Variants in ASTN2 observed in about 807,000 individuals in gnomAD.
ASTN2 encodes the protein astrotactin-2.
A neutral mutation model predicts 139.8 loss-of-function variants in ASTN2; 54 were observed. The observed-to-expected ratio is 0.39, with a 90% CI of 0.31 to 0.48. The LOEUF (loss-of-function observed/expected upper bound fraction) is 0.48. Among genes scored for constraint, ASTN2 ranks in the 20% least tolerant of loss-of-function variants. The pLI, the probability that ASTN2 is intolerant of heterozygous loss-of-function variation, is 0.95. For synonymous variants in ASTN2, 756 were observed against 719.5 expected (o/e 1.05, Z -0.81); for missense variants, 1,565 against 1,725.1 (o/e 0.91, Z 1.64).
Position 116,725,732 on chromosome 9 carries a change from C to T in ASTN2, c.2806+39G>A, listed in dbSNP as rs201653639. The T allele has an allele frequency of 2.1e-4, 335 of 1,595,870 alleles. 3 individuals are homozygous for T. The African/African-American group carries it at 4.2e-3, about 20-fold the overall frequency. On this transcript the variant is annotated intron_variant, in intron 16 of 22. Transcript: ENST00000313400. ...TCCCCAGACCCCTTGCCTCTATAGCCTGCCTGGCCACCTCCTACAGTAGGC... is the reference window on the plus strand; with the variant it reads ...TCCCCAGACCCCTTGCCTCTATAGCTTGCCTGGCCACCTCCTACAGTAGGC...
At chr9:117,163,309 T>C (rs1419644898) in intron 3 of ASTN2, among the ~76,000 whole-genome samples, 4 of 152,076 alleles carry the variant, frequency 2.6e-5, no homozygotes, top group Non-Finnish European at 4.4e-5. Context: ...TTTTGTACAT[T>C]CAGTAAATGC....
intron 16 of ASTN2, among the ~76,000 whole-genome samples, chr9:116,680,449 G>A (rs1398690205): frequency 6.6e-6 from 1 of 152,132 alleles, no homozygotes; most frequent in Non-Finnish European, 1.5e-5. Context: ...AGGGGTACAA[G>A]GAGGAACTGG....
chr9:117,190,437 T>G (rs1564468906), intron 3 of ASTN2, among the ~76,000 whole-genome samples: 1 of 152,168 alleles, frequency 6.6e-6, no homozygotes, highest in African/African-American at 2.4e-5. Context: ...AAATCACTCC[T>G]TCTCAGTTTG....
intron 1 of ASTN2, among the ~76,000 whole-genome samples, chr9:117,328,706 G>T (rs1214457123): frequency 1.3e-5 from 2 of 152,184 alleles, no homozygotes; most frequent in African/African-American, 4.8e-5. Context: ...GGGTCACTCA[G>T]CCAGGCTAAA....
At chr9:116,805,188 T>G (rs1390283033) in intron 13 of ASTN2, among the ~76,000 whole-genome samples, 1 of 151,096 alleles carries the variant, frequency 6.6e-6, no homozygotes. Flanking sequence ...AAGTAGAAAT[T>G]TTAAGAGCAT....
At chr9:117,147,703 T>C (rs1830232340) in intron 3 of ASTN2, among the ~76,000 whole-genome samples, 1 of 152,088 alleles carries the variant, frequency 6.6e-6, no homozygotes, top group Non-Finnish European at 1.5e-5. Context: ...ACCTGGAAAG[T>C]TAAGTATTAA....
chr9:117,067,647 T>C (rs1222123820), intron 5 of ASTN2, among the ~76,000 whole-genome samples: 2 of 144,382 alleles, frequency 1.4e-5, no homozygotes, highest in Admixed American at 6.8e-5. Flanking sequence ...GAGCATGGAA[T>C]GTTCTTCCAT....
intron 5 of ASTN2, among the ~76,000 whole-genome samples, chr9:117,071,794 T>C (rs947628020): frequency 1.1e-4 from 16 of 151,826 alleles, no homozygotes; most frequent in African/African-American, 3.9e-4. Context: ...CCGTCACCCC[T>C]TTCTTTGACT....
chr9:116,902,046 A>G (rs1231157305), intron 10 of ASTN2, among the ~76,000 whole-genome samples: 1 of 152,192 alleles, frequency 6.6e-6, no homozygotes. Flanking sequence ...ATAAATAAAT[A>G]AACAAACATA....
intron 16 of ASTN2, among the ~76,000 whole-genome samples, chr9:116,653,533 C>T (rs1267702997): frequency 1.1e-4 from 17 of 152,212 alleles, no homozygotes; most frequent in Admixed American, 1.1e-3. Flanking sequence ...AGTGCATAAT[C>T]TGAGTGGTAA....
intron 10 of ASTN2, among the ~76,000 whole-genome samples, chr9:116,877,791 C>T (rs1833342699): frequency 6.6e-6 from 1 of 152,128 alleles, no homozygotes. Context: ...AAAAAGCCAT[C>T]TTCTCCTCCT....
At chr9:116,913,150 C>T (rs1354297256) in intron 10 of ASTN2, among the ~76,000 whole-genome samples, 1 of 152,178 alleles carries the variant, frequency 6.6e-6, no homozygotes, top group Non-Finnish European at 1.5e-5. Flanking sequence ...GTGATCCACC[C>T]ACTTCAGCCT....
chr9:116,539,947 T>C (rs1276418657), intron 19 of ASTN2, among the ~76,000 whole-genome samples: 1 of 152,184 alleles, frequency 6.6e-6, no homozygotes, highest in African/African-American at 2.4e-5. Context: ...AAAAATATAA[T>C]TGATAAGAAA....
intron 1 of ASTN2, among the ~76,000 whole-genome samples, chr9:117,403,536 G>GC (rs1491178671): frequency 6.6e-6 from 1 of 151,338 alleles, no homozygotes; most frequent in African/African-American, 2.4e-5. Context: ...TTCCCCCGAT[G>GC]CCCCACCCCC....
chr9:116,452,364 G>A (rs1848200711), intron 20 of ASTN2, among the ~76,000 whole-genome samples: 1 of 152,216 alleles, frequency 6.6e-6, no homozygotes, highest in South Asian at 2.1e-4. Context: ...GATATGATGT[G>A]TAGGTTTCAC....
At chr9:117,407,840 A>G (rs181343353) in intron 1 of ASTN2, among the ~76,000 whole-genome samples, 63 of 152,258 alleles carry the variant, frequency 4.1e-4, no homozygotes, top group African/African-American at 1.3e-3. Context: ...CTCTCTCACT[A>G]TAGTTAATCT....
chr9:117,046,924 A>T (rs1315126849), intron 5 of ASTN2, among the ~76,000 whole-genome samples: 1 of 152,118 alleles, frequency 6.6e-6, no homozygotes, highest in Non-Finnish European at 1.5e-5. Flanking sequence ...TTTTCTAGCA[A>T]ACTGATTCAC....
Position 117,414,361 on chromosome 9 carries a change from G to T in ASTN2, c.442+136C>A, listed in dbSNP as rs1434855193. The T allele has an allele frequency of 4.4e-6, 6 of 1,378,594 alleles. No homozygotes were observed. The Admixed American group carries it at 8.6e-5, about 20-fold the overall frequency. 85.4% of individuals were successfully genotyped at this position (1,378,594 alleles called of 1,614,324 possible). ...TTTCCAACCACCTGTGCGACCTCTG[G>T]GCCCCTCCTCTACCCTCTGCCAACC... On this transcript the variant is annotated intron_variant, in intron 1 of 22. Coordinates refer to ENST00000313400, the MANE Select transcript of ASTN2 (RefSeq NM_001365068.1). The surrounding 1 kb of genome is among the most constrained non-coding windows in gnomAD (Gnocchi z 4.2).
chr9:116,627,332 A>C lies in ASTN2; in HGVS notation c.3073-6889T>G, dbSNP rs10983280. ...GCTAGAGGGCTCTGAAGTGCATACA[A>C]GCATATTCATTGGCACGGATTCTTG... On this transcript the variant is annotated intron_variant, in intron 17 of 22. Coordinates refer to ENST00000313400, the MANE Select transcript of ASTN2 (RefSeq NM_001365068.1). 0.019 allele frequency among the ~76,000 whole-genome samples: 2,906 copies of C among 152,262 alleles called. 398 individuals are homozygous for C. In the South Asian group the frequency reaches 0.29, roughly 15 times the overall value.
Sources: gnomAD v4.1 joint callset for allele counts (sites outside exome capture counted in the v4.1 genomes callset) on GRCh38, gnomAD v4.1.1 for gene constraint, Gnocchi (gnomAD v3.1) non-coding constraint, MANE v1.5 for transcripts, NCBI Gene and HGNC (gene_info 2026-07-23, HGNC 2026-07-21) for gene names.